RELN: variants seen among roughly 807,000 people sequenced by gnomAD.
The protein encoded by RELN is reelin.
A neutral mutation model predicts 427.6 loss-of-function variants in RELN; 108 were observed. The observed-to-expected ratio is 0.25, with a 90% CI of 0.22 to 0.30. RELN has a LOEUF of 0.30. Among genes scored for constraint, RELN ranks in the 10% least tolerant of loss-of-function variants. The pLI is 1.00. For missense variants in RELN, 3,715 were observed against 4,302.8 expected, an observed-to-expected ratio of 0.86 and a Z score of 3.82; for synonymous variants, 1,524 against 1,513.4, an observed-to-expected ratio of 1.01 and a Z score of -0.16.
At chr7:103,978,674 A>G (rs1796930458) in intron 1 of RELN, among the ~76,000 whole-genome samples, 1 of 152,196 alleles carries the variant, frequency 6.6e-6, no homozygotes, top group Admixed American at 6.5e-5. Flanking sequence ...ATTTCATTTC[A>G]ATGAATACAG....
chr7:103,779,870 G>T (rs894994811), intron 3 of RELN, among the ~76,000 whole-genome samples: 1 of 152,156 alleles, frequency 6.6e-6, no homozygotes, highest in Non-Finnish European at 1.5e-5. Context: ...TGGGACTACA[G>T]GCCTGCGCCG....
chr7:103,529,741 G>A (rs1250749756), intron 46 of RELN, among the ~76,000 whole-genome samples: 2 of 152,054 alleles, frequency 1.3e-5, no homozygotes, highest in Non-Finnish European at 2.9e-5. Context: ...AAGCTCATGG[G>A]CTCTGGTGCC....
At chr7:103,747,608 C>G (rs1050004487) in intron 6 of RELN, among the ~76,000 whole-genome samples, 16 of 147,104 alleles carry the variant, frequency 1.1e-4, no homozygotes, top group Non-Finnish European at 1.9e-4. Context: ...AGTCATCTCT[C>G]AAATAATGAC....
At chr7:103,776,687 G>A (rs262338) in intron 3 of RELN, 60 bp from the exon 4 acceptor site, 2 of 1,550,506 alleles carry the variant, frequency 1.3e-6, no homozygotes, top group African/African-American at 2.7e-5. Context: ...GAAAATGTAT[G>A]TTTAAAACTT....
intron 4 of RELN, among the ~76,000 whole-genome samples, chr7:103,762,112 A>C (rs1791316634): frequency 6.6e-6 from 1 of 152,146 alleles, no homozygotes; most frequent in South Asian, 2.1e-4. Flanking sequence ...AGTTCTGCCC[A>C]TATGAGGTGA....
At chr7:103,891,584 A>G (rs1584338457) in intron 2 of RELN, among the ~76,000 whole-genome samples, 2 of 151,850 alleles carry the variant, frequency 1.3e-5, no homozygotes, top group South Asian at 4.2e-4. Flanking sequence ...CCTCTACTCC[A>G]CCTCAGCAAC....
intron 2 of RELN, among the ~76,000 whole-genome samples, chr7:103,838,271 ATTAT>A (rs951491698): frequency 6.6e-6 from 1 of 151,496 alleles, no homozygotes; most frequent in African/African-American, 2.4e-5. Flanking sequence ...TATAATACAA[ATTAT>A]TTATTCAGGA....
intron 2 of RELN, among the ~76,000 whole-genome samples, chr7:103,834,671 C>T (rs377121183): frequency 7.2e-4 from 110 of 152,116 alleles, no homozygotes; most frequent in African/African-American, 2.4e-3. Context: ...AAATGATACA[C>T]GGATGACAAA....
At chr7:103,475,887 T>C (rs1183872177) in intron 64 of RELN, among the ~76,000 whole-genome samples, 4 of 147,952 alleles carry the variant, frequency 2.7e-5, no homozygotes, top group Non-Finnish European at 6.0e-5. Flanking sequence ...TTTTTTTAAA[T>C]AACATTTTTT....
intron 4 of RELN, among the ~76,000 whole-genome samples, chr7:103,754,151 C>T (rs181711603): frequency 3.2e-4 from 49 of 151,920 alleles, no homozygotes; most frequent in African/African-American, 1.1e-3. Context: ...GTGTAAAGTA[C>T]ATACTAGATT....
At chr7:103,731,800 T>C (rs1469621558) in intron 6 of RELN, among the ~76,000 whole-genome samples, 1 of 152,154 alleles carries the variant, frequency 6.6e-6, no homozygotes, top group Non-Finnish European at 1.5e-5. Context: ...ACTTTTTTCA[T>C]TTTCCACTTC....
intron 16 of RELN, among the ~76,000 whole-genome samples, chr7:103,646,116 T>C (rs992224064): frequency 6.6e-6 from 1 of 151,756 alleles, no homozygotes; most frequent in Admixed American, 6.6e-5. Context: ...ACTTCTAAGA[T>C]ATAGCAAAAG....
At chr7:103,700,190 C>A (rs1834061495) in intron 9 of RELN, among the ~76,000 whole-genome samples, 1 of 151,990 alleles carries the variant, frequency 6.6e-6, no homozygotes, top group South Asian at 2.1e-4. Flanking sequence ...AAGTTTAAGG[C>A]ATTTTTTCCT....
chr7:103,733,274 A>T (rs1398901797), intron 6 of RELN, among the ~76,000 whole-genome samples: 2 of 151,292 alleles, frequency 1.3e-5, no homozygotes, highest in African/African-American at 4.9e-5. Context: ...GGCAATCATT[A>T]AAAAGTCAGG....
intron 3 of RELN, among the ~76,000 whole-genome samples, chr7:103,783,727 T>G (rs1410437055): frequency 6.6e-6 from 1 of 152,164 alleles, no homozygotes; most frequent in East Asian, 1.9e-4. Flanking sequence ...CCTTTAAGTA[T>G]GGCAAATCAA....
intron 56 of RELN, 149 bp from the exon 57 acceptor site, chr7:103,496,047 A>G: frequency 1.2e-6 from 1 of 803,532 alleles, no homozygotes; most frequent in South Asian, 1.6e-5. Context: ...ACACTTTAGG[A>G]TTGATTTTTA....
At chr7:103,926,674 T>C (rs1174302991) in intron 1 of RELN, among the ~76,000 whole-genome samples, 1 of 135,792 alleles carries the variant, frequency 7.4e-6, no homozygotes, top group Non-Finnish European at 1.6e-5. Flanking sequence ...AGACGGAGTC[T>C]CCCTCTGTCG....
At chr7:103,672,646 A>AT (rs779197429) in intron 11 of RELN, among the ~76,000 whole-genome samples, 5 of 151,714 alleles carry the variant, frequency 3.3e-5, no homozygotes, top group African/African-American at 7.3e-5. Flanking sequence ...TTTAATTAAT[A>AT]TTTTTTTTCC....
chr7:103,666,317 C>T (rs1240578638), intron 11 of RELN, among the ~76,000 whole-genome samples: 7 of 152,196 alleles, frequency 4.6e-5, no homozygotes, highest in Middle Eastern at 3.4e-3. Flanking sequence ...AGCAATCTAC[C>T]GATGTTGGCC....
Sources: allele counts gnomAD v4.1 joint callset (sites outside exome capture counted in the v4.1 genomes callset), GRCh38; gene constraint gnomAD v4.1.1; transcripts MANE v1.5; gene names NCBI Gene and HGNC (gene_info 2026-07-23, HGNC 2026-07-21).